UBE3D: variants seen among roughly 807,000 people sequenced by gnomAD.
UBE3D encodes the protein E3 ubiquitin-protein ligase E3D.
UBE3D carries 48 observed loss-of-function variants against 49.6 expected under a neutral mutation model. The ratio of observed to expected loss-of-function variants is 0.97; its 90% CI spans 0.77 to 1.23. The LOEUF is 1.23. Among genes scored for constraint, UBE3D ranks in the 50% most tolerant of loss-of-function variants. The pLI, the probability that UBE3D is intolerant of heterozygous loss-of-function variation, is 0.00. For synonymous variants in UBE3D, 189 were observed against 174.2 expected, an observed-to-expected ratio of 1.08 and a Z score of -0.67; for missense variants, 452 against 468.4, an observed-to-expected ratio of 0.96 and a Z score of 0.32.
chr6:83,012,878 T>C lies in UBE3D; in HGVS notation c.1010+6095A>G, dbSNP rs112716610. Among the ~76,000 whole-genome samples, 1,473 of 152,206 alleles carry C rather than the reference T, an allele frequency of 9.7e-3. 22 individuals are homozygous for C. Among genetic ancestry groups the C allele is most frequent in the African/African-American group, 0.034 (1,396 of 41,520 alleles). ...CATTCAAGGATGTCCTAGAAAGGGG[T>C]TGTAGTGCTGTAGCTGTCCACTTTC... On this transcript the variant is annotated intron_variant, in intron 8 of 9. Transcript: ENST00000369747.
intron 8 of UBE3D, among the ~76,000 whole-genome samples, chr6:82,971,084 G>A (rs990402914): frequency 1.3e-5 from 2 of 152,054 alleles, no homozygotes; most frequent in Non-Finnish European, 2.9e-5. Context: ...CCTGAGTAAG[G>A]ATCGCTGCTT....
intron 8 of UBE3D, among the ~76,000 whole-genome samples, chr6:83,013,816 T>C (rs999067444): frequency 6.6e-6 from 1 of 152,212 alleles, no homozygotes; most frequent in African/African-American, 2.4e-5. Flanking sequence ...GTCCAGTGTG[T>C]TTGCTACTTC....
At chr6:82,935,170 A>C (rs1414353429) in intron 9 of UBE3D, among the ~76,000 whole-genome samples, 1 of 151,364 alleles carries the variant, frequency 6.6e-6, no homozygotes, top group Non-Finnish European at 1.5e-5. Context: ...GGAAGCTTAC[A>C]ATCATAGCAG....
intron 9 of UBE3D, among the ~76,000 whole-genome samples, chr6:82,898,350 A>G (rs1379452515): frequency 6.6e-6 from 1 of 152,230 alleles, no homozygotes; most frequent in Non-Finnish European, 1.5e-5. Flanking sequence ...AGGACTATAA[A>G]TCATTCTACT....
chr6:82,988,570 G>A (rs1365084290), intron 8 of UBE3D, among the ~76,000 whole-genome samples: 5 of 152,136 alleles, frequency 3.3e-5, no homozygotes, highest in East Asian at 1.9e-4. Flanking sequence ...TCTTCCTGCT[G>A]AGGACATCAG....
chr6:82,935,483 T>C (rs1181653364), intron 9 of UBE3D, among the ~76,000 whole-genome samples: 8 of 151,962 alleles, frequency 5.3e-5, no homozygotes, highest in Admixed American at 3.3e-4. Context: ...AATGAGGAAA[T>C]GGGGGTGGGG....
At chr6:82,989,503 T>C (rs1173701174) in intron 8 of UBE3D, among the ~76,000 whole-genome samples, 1 of 152,166 alleles carries the variant, frequency 6.6e-6, no homozygotes, top group African/African-American at 2.4e-5. Flanking sequence ...AAGGGCCAGA[T>C]AGTAAATATT....
chr6:82,913,241 C>A (rs2127728004), intron 9 of UBE3D, among the ~76,000 whole-genome samples: 1 of 152,272 alleles, frequency 6.6e-6, no homozygotes, highest in East Asian at 1.9e-4. Flanking sequence ...TTAAAATCCA[C>A]AAAGTTTCTA....
At chr6:82,995,036 G>C (rs747785473) in intron 8 of UBE3D, among the ~76,000 whole-genome samples, 15 of 152,148 alleles carry the variant, frequency 9.9e-5, no homozygotes, top group Admixed American at 2.6e-4. Context: ...TAGCAAAGGG[G>C]AAGAAGAAGG....
intron 9 of UBE3D, among the ~76,000 whole-genome samples, chr6:82,927,293 T>C (rs1454177697): frequency 6.6e-6 from 1 of 151,770 alleles, no homozygotes; most frequent in African/African-American, 2.4e-5. Context: ...TAGGGTAGTG[T>C]CAGTCCTCTA....
chr6:82,882,016 C>G, the UBE3D span, among the ~76,000 whole-genome samples: 1 of 152,176 alleles, frequency 6.6e-6, no homozygotes, highest in Non-Finnish European at 1.5e-5. Context: ...GTCATTTGTC[C>G]CTGCTGCTGC....
At chr6:82,965,058 T>C (rs1776812785) in intron 8 of UBE3D, among the ~76,000 whole-genome samples, 1 of 152,210 alleles carries the variant, frequency 6.6e-6, no homozygotes, top group Non-Finnish European at 1.5e-5. Flanking sequence ...ACACAATTCC[T>C]GAATGCTATG....
intron 5 of UBE3D, chr6:83,037,094 T>G (rs1782316950): frequency 6.6e-6 from 1 of 152,166 alleles, no homozygotes; most frequent in Admixed American, 6.5e-5. Flanking sequence ...CCTAGAAGTC[T>G]AGTAGCTGTA....
At chr6:82,912,141 C>T (rs964275713) in intron 9 of UBE3D, among the ~76,000 whole-genome samples, 9 of 152,130 alleles carry the variant, frequency 5.9e-5, no homozygotes, top group African/African-American at 2.2e-4. Context: ...AGTCCTTCCT[C>T]CCTTCCCTCA....
intron 9 of UBE3D, among the ~76,000 whole-genome samples, chr6:82,940,068 C>T (rs1266457063): frequency 5.3e-5 from 8 of 152,076 alleles, no homozygotes; most frequent in African/African-American, 1.2e-4. Flanking sequence ...GGTAGGGAAT[C>T]GGCCTTTTGA....
chr6:82,900,530 A>T (rs1419769110), intron 9 of UBE3D, among the ~76,000 whole-genome samples: 2 of 152,224 alleles, frequency 1.3e-5, no homozygotes, highest in African/African-American at 4.8e-5. Context: ...TTAGCTATAA[A>T]TATTAATTCT....
At chr6:82,954,434 A>C (rs1776019365) in intron 9 of UBE3D, among the ~76,000 whole-genome samples, 1 of 152,160 alleles carries the variant, frequency 6.6e-6, no homozygotes, top group Admixed American at 6.5e-5. Context: ...ATTTCATATT[A>C]TGTTGTTTTA....
chr6:83,050,379 T>C (rs941131118), intron 3 of UBE3D, among the ~76,000 whole-genome samples: 2 of 152,182 alleles, frequency 1.3e-5, no homozygotes, highest in Non-Finnish European at 2.9e-5. Flanking sequence ...CTAACAGGTT[T>C]ATCTAATCCA....
chr6:83,061,210 A>G (rs1251943399), intron 1 of UBE3D, among the ~76,000 whole-genome samples: 2 of 152,206 alleles, frequency 1.3e-5, no homozygotes, highest in Non-Finnish European at 2.9e-5. Context: ...TGATTGTACT[A>G]TCATCTTGCA....
Sources: gnomAD v4.1 joint callset for allele counts (sites outside exome capture counted in the v4.1 genomes callset) on GRCh38, gnomAD v4.1.1 for gene constraint, MANE v1.5 for transcripts, NCBI Gene and HGNC (gene_info 2026-07-23, HGNC 2026-07-21) for gene names.